Variants in NRG3 observed in about 807,000 individuals in gnomAD.
NRG3 encodes the protein neuregulin 3.
NRG3 carries 31 observed loss-of-function variants against 66.9 expected under a neutral mutation model. The observed-to-expected ratio is 0.46, with a 90% CI of 0.35 to 0.63. The LOEUF (loss-of-function observed/expected upper bound fraction) is 0.63, where lower values mean the gene tolerates loss of function less well. Among genes scored for constraint, NRG3 ranks in the 20% least tolerant of loss-of-function variants. The pLI, the probability that NRG3 is intolerant of heterozygous loss-of-function variation, is 0.00. For missense variants in NRG3, 910 were observed against 878.9 expected, an observed-to-expected ratio of 1.04 and a Z score of -0.45; for synonymous variants, 393 against 359.4, an observed-to-expected ratio of 1.09 and a Z score of -1.06.
chr10:82,778,250 G>T lies in NRG3; in HGVS notation c.1027+39600G>T, dbSNP rs140941731. Among the ~76,000 whole-genome samples, 117 of 152,270 alleles carry T rather than the reference G, an allele frequency of 7.7e-4. 1 individual carries two copies. The South Asian group carries it at 0.012, about 16-fold the overall frequency. ...ATTGTGACTGATCCTCTGGACTAAA[G>T]CTCAAATTCCTGAGGGACAGGACAC... On this transcript the variant is annotated intron_variant, in intron 3 of 8. Transcript: ENST00000372141.
At chr10:82,881,639 T>G (rs950028574) in intron 4 of NRG3, among the ~76,000 whole-genome samples, 3 of 152,166 alleles carry the variant, frequency 2.0e-5, no homozygotes, top group Non-Finnish European at 2.9e-5. Context: ...CAGGTGGACA[T>G]TTATCAAATT....
chr10:82,697,932 T>TTGCAGG (rs1273037166), intron 2 of NRG3, among the ~76,000 whole-genome samples: 1 of 152,066 alleles, frequency 6.6e-6, no homozygotes, highest in Non-Finnish European at 1.5e-5. Flanking sequence ...TCTGAGTGGG[T>TTGCAGG]TGCAGGTGAA....
intron 4 of NRG3, among the ~76,000 whole-genome samples, chr10:82,917,316 G>A (rs1040295887): frequency 2.0e-5 from 3 of 152,074 alleles, no homozygotes; most frequent in South Asian, 4.2e-4. Context: ...TGAGTGTAAC[G>A]TCTTGACCAA....
At chr10:82,790,096 G>A (rs1197446798) in intron 3 of NRG3, among the ~76,000 whole-genome samples, 1 of 152,046 alleles carries the variant, frequency 6.6e-6, no homozygotes, top group Non-Finnish European at 1.5e-5. Flanking sequence ...ATTGCTTAAT[G>A]TAGCTGCCCT....
chr10:82,457,244 G>T (rs1040582844), intron 2 of NRG3, among the ~76,000 whole-genome samples: 3 of 152,090 alleles, frequency 2.0e-5, no homozygotes, highest in Non-Finnish European at 4.4e-5. Flanking sequence ...CCAGTTTTGT[G>T]GAAGACAATT....
chr10:82,427,976 T>G (rs2089553289), intron 2 of NRG3, among the ~76,000 whole-genome samples: 1 of 152,062 alleles, frequency 6.6e-6, no homozygotes, highest in African/African-American at 2.4e-5. Flanking sequence ...TCATTAAGAT[T>G]ATTTAATTTG....
At chr10:82,521,526 G>A (rs556537518) in intron 2 of NRG3, among the ~76,000 whole-genome samples, 1 of 152,176 alleles carries the variant, frequency 6.6e-6, no homozygotes, top group Non-Finnish European at 1.5e-5. Context: ...ATTTTTAGTA[G>A]AGAAGGGGTT....
At chr10:82,072,270 C>T (rs902538448) in intron 1 of NRG3, among the ~76,000 whole-genome samples, 2 of 152,168 alleles carry the variant, frequency 1.3e-5, no homozygotes, top group African/African-American at 2.4e-5. Flanking sequence ...GAAGGAGAAA[C>T]ATGAAGTGTG....
chr10:81,933,167 C>T (rs752706045), intron 1 of NRG3, among the ~76,000 whole-genome samples: 2 of 149,904 alleles, frequency 1.3e-5, no homozygotes, highest in African/African-American at 2.4e-5. Context: ...TCACATATGA[C>T]TCAGGATATA....
chr10:82,970,288 T>C (rs1397526846), intron 6 of NRG3, among the ~76,000 whole-genome samples: 5 of 152,236 alleles, frequency 3.3e-5, no homozygotes, highest in Non-Finnish European at 5.9e-5. Flanking sequence ...TCAGATATTC[T>C]TGAAATTTAA....
chr10:81,889,098 C>A (rs1312921773), intron 1 of NRG3: 2 of 152,060 alleles, frequency 1.3e-5, no homozygotes, highest in African/African-American at 2.4e-5. Context: ...TTTCAAATAC[C>A]TAAAAATTTG....
At chr10:82,313,187 A>T (rs1226736785) in intron 1 of NRG3, among the ~76,000 whole-genome samples, 2 of 151,960 alleles carry the variant, frequency 1.3e-5, no homozygotes, top group Non-Finnish European at 2.9e-5. Context: ...AAACAAAAAA[A>T]TTAGCTGGGC....
intron 4 of NRG3, among the ~76,000 whole-genome samples, chr10:82,869,365 C>G (rs2135973630): frequency 6.6e-6 from 1 of 152,176 alleles, no homozygotes; most frequent in African/African-American, 2.4e-5. Context: ...AAACCTAAAC[C>G]TACATTGACT....
intron 2 of NRG3, among the ~76,000 whole-genome samples, chr10:82,579,851 G>A (rs2046249803): frequency 6.6e-6 from 1 of 151,892 alleles, no homozygotes. Flanking sequence ...TTATTTATCT[G>A]TATAGTAATA....
At chr10:82,668,924 G>T (rs1016561089) in intron 2 of NRG3, among the ~76,000 whole-genome samples, 4 of 152,130 alleles carry the variant, frequency 2.6e-5, no homozygotes, top group Admixed American at 1.3e-4. Context: ...CACAGATCCT[G>T]AAGGGCATGA....
chr10:82,377,465 C>T (rs1430538619), intron 2 of NRG3, among the ~76,000 whole-genome samples: 1 of 151,102 alleles, frequency 6.6e-6, no homozygotes, highest in African/African-American at 2.5e-5. Context: ...TGTGCGCGAG[C>T]GCACATGCGT....
chr10:82,731,639 A>G lies in NRG3; in HGVS notation c.954-6938A>G, dbSNP rs138404784. 1.6e-3 allele frequency among the ~76,000 whole-genome samples: 237 copies of G among 152,306 alleles called. 1 individual carries two copies. The highest frequency in any genetic ancestry group is 4.3e-3 in the Admixed American group (65 of 15,294). ...AGCTGAATAGTATTCCATTGTGTAT[A>G]TGTAGATACCATATTTTATTTATCT... On this transcript the variant is annotated intron_variant, in intron 2 of 8. Transcript: ENST00000372141.
chr10:81,883,738 C>G lies in NRG3; in HGVS notation c.823+7575C>G, dbSNP rs558137570. The stretch of plus-strand genomic sequence containing the variant: ...ACCTTCCTATGACTACATGCAACCT[C>G]TGGCATGATTTCCTGTGAATTGCCA... On this transcript the variant is annotated intron_variant, in intron 1 of 8. Coordinates refer to ENST00000372141, the MANE Select transcript of NRG3 (RefSeq NM_001010848.4). Among the ~76,000 whole-genome samples, 7 of 152,282 alleles carry G rather than the reference C, an allele frequency of 4.6e-5. No individual in the cohort carries two copies. In the South Asian group the frequency reaches 1.4e-3, roughly 32 times the overall value.
chr10:82,301,990 G>C (rs1160478955), intron 1 of NRG3, among the ~76,000 whole-genome samples: 1 of 151,504 alleles, frequency 6.6e-6, no homozygotes, highest in African/African-American at 2.4e-5. Flanking sequence ...TTAGAGAAAA[G>C]GTGGCAATAT....
Sources: allele counts gnomAD v4.1 joint callset (sites outside exome capture counted in the v4.1 genomes callset), GRCh38; gene constraint gnomAD v4.1.1; transcripts MANE v1.5; gene names NCBI Gene and HGNC (gene_info 2026-07-23, HGNC 2026-07-21).